Variants in TXNDC12 observed in about 807,000 individuals in gnomAD.
TXNDC12 encodes thioredoxin domain-containing protein 12.
A neutral mutation model predicts 24.2 loss-of-function variants in TXNDC12; 22 were observed. The observed-to-expected ratio is 0.91, with a 90% CI of 0.65 to 1.30. The LOEUF is 1.30. Among genes scored for constraint, TXNDC12 ranks in the 50% most tolerant of loss-of-function variants. The pLI, the probability that TXNDC12 is intolerant of heterozygous loss-of-function variation, is 0.00. For synonymous variants in TXNDC12, 58 were observed against 73.4 expected (o/e 0.79, Z 1.07); for missense variants, 184 against 205.8 (o/e 0.89, Z 0.65).
rs532661079 is a variant in TXNDC12 at position 52,046,634 on chromosome 1, T to C, written c.98-5037A>G. Among the ~76,000 whole-genome samples the C allele has an allele frequency of 9.9e-5, 15 of 151,640 alleles. 1 individual carries two copies. The South Asian group carries it at 2.9e-3, about 30-fold the overall frequency. On this transcript the variant is annotated intron_variant, in intron 1 of 6. Coordinates refer to ENST00000371626, the MANE Select transcript of TXNDC12 (RefSeq NM_015913.4). ...CTCACGCCTGTAATCCCAGCACTTT[T>C]GGAGGCCAAGGCAGGCAGATCACTT... is the stretch of plus-strand genomic sequence containing the variant.
chr1:52,038,884 C>CT (rs762428470), intron 2 of TXNDC12, among the ~76,000 whole-genome samples: 22 of 125,670 alleles, frequency 1.8e-4, no homozygotes, highest in East Asian at 4.8e-4. Flanking sequence ...CATGAATTTT[C>CT]TTTTTTTTTT....
At chr1:52,022,635 G>GTTTTTTTTTTTT (rs1188645759) in intron 6 of TXNDC12, among the ~76,000 whole-genome samples, 6 of 118,614 alleles carry the variant, frequency 5.1e-5, no homozygotes, top group South Asian at 2.9e-4. Flanking sequence ...GGTTTTTTTG[G>GTTTTTTTTTTTT]TTTTTTTTTT....
chr1:52,025,486 G>A (rs1369550986), intron 4 of TXNDC12, among the ~76,000 whole-genome samples: 1 of 152,152 alleles, frequency 6.6e-6, no homozygotes, highest in East Asian at 1.9e-4. Flanking sequence ...CCAAAGTGCT[G>A]GGATCACAGG....
At position 52,034,722 on chromosome 1, in the gene TXNDC12, G is replaced by T. The variant is rs1010815962; in HGVS notation, c.159-6092C>A. The stretch of plus-strand genomic sequence containing the variant: ...GCCTCCCAAAGTACTGGGAATACAG[G>T]TGTGTGAGCCAAGGTGCCTGGCCTG... On this transcript the variant is annotated intron_variant, in intron 2 of 6. Transcript: ENST00000371626. 2.6e-5 allele frequency among the ~76,000 whole-genome samples: 4 copies of T among 152,160 alleles called. No individual in the cohort carries two copies. The East Asian group carries it at 7.7e-4, about 29-fold the overall frequency.
intron 2 of TXNDC12, among the ~76,000 whole-genome samples, chr1:52,040,595 C>G (rs748396065): frequency 3.3e-5 from 5 of 152,148 alleles, no homozygotes; most frequent in Non-Finnish European, 7.4e-5. Flanking sequence ...TTGTAACATA[C>G]CAATTTTTTA....
At chr1:52,024,423 A>G in intron 5 of TXNDC12, 87 bp downstream of exon 5, 2 of 1,017,754 alleles carry the variant, frequency 2.0e-6, no homozygotes, top group Non-Finnish European at 3.0e-6. Context: ...TCATCCTGGT[A>G]TAGTTTCACT....
intron 2 of TXNDC12, chr1:52,033,753 G>A: frequency 6.3e-7 from 1 of 1,598,008 alleles, no homozygotes; most frequent in Non-Finnish European, 8.5e-7. Context: ...AAAACACCAC[G>A]AGCGGCATCC....
At chr1:52,031,489 C>T (rs938727805) in intron 2 of TXNDC12, among the ~76,000 whole-genome samples, 1 of 151,410 alleles carries the variant, frequency 6.6e-6, no homozygotes, top group Non-Finnish European at 1.5e-5. Context: ...TTTCTCACCA[C>T]ATATCTCTTT....
chr1:52,055,830 G>A (rs1321929200), upstream of TXNDC12: 5 of 152,222 alleles, frequency 3.3e-5, no homozygotes, highest in Admixed American at 3.3e-4. Flanking sequence ...TGACTTAGGT[G>A]GACTTAGGAC....
chr1:52,028,163 T>G (rs1445670892), intron 3 of TXNDC12, among the ~76,000 whole-genome samples: 6 of 151,944 alleles, frequency 3.9e-5, no homozygotes, highest in Non-Finnish European at 8.8e-5. Flanking sequence ...CATCTAGGAT[T>G]TTAAGTGCAG....
At chr1:52,046,866 A>AAAAAATATATAT (rs1229275355) in intron 1 of TXNDC12, among the ~76,000 whole-genome samples, 4 of 30,172 alleles carry the variant, frequency 1.3e-4, no homozygotes, top group African/African-American at 2.1e-4. Flanking sequence ...AAAAAAAAAA[A>AAAAAATATATAT]ATATATATAT....
intron 6 of TXNDC12, 53 bp downstream of exon 6, chr1:52,023,438 T>C: frequency 7.0e-7 from 1 of 1,422,118 alleles, no homozygotes; most frequent in Non-Finnish European, 9.9e-7. Flanking sequence ...TTGCATGTGG[T>C]TCATCCTAGT....
intron 2 of TXNDC12, among the ~76,000 whole-genome samples, chr1:52,028,841 G>A (rs138904602): frequency 4.1e-4 from 62 of 152,158 alleles, no homozygotes; most frequent in African/African-American, 1.3e-3. Flanking sequence ...TTTAAAGTTA[G>A]GGAGGGCTGG....
intron 4 of TXNDC12, among the ~76,000 whole-genome samples, 157 bp downstream of exon 4, chr1:52,027,118 A>C (rs1481340509): frequency 1.3e-5 from 2 of 152,198 alleles, no homozygotes; most frequent in African/African-American, 4.8e-5. Context: ...GCTTTCTAAC[A>C]TATCTGATGC....
At position 52,026,732 on chromosome 1, in the gene TXNDC12, A is replaced by G. The variant is rs538574622; in HGVS notation, c.285+543T>C. On this transcript the variant is annotated intron_variant, in intron 4 of 6. Transcript: ENST00000371626. The stretch of plus-strand genomic sequence containing the variant: ...CTGGCCAACATTGTGAGACCCTCAT[A>G]TCTACTAAAAATACAAAAATTGGCC... Among the ~76,000 whole-genome samples, 271 of 152,062 alleles carry G rather than the reference A, an allele frequency of 1.8e-3. 1 individual carries two copies. Among genetic ancestry groups the G allele is most frequent in the African/African-American group, 6.3e-3 (260 of 41,506 alleles).
At position 52,020,299 on chromosome 1, in the gene TXNDC12, CG is replaced by C; in HGVS notation, c.*633del. On this transcript the variant is annotated 3_prime_UTR_variant, in exon 7 of 7. Transcript: ENST00000371626. ...GGGAAAGCATGCTTCCACCTGGAGC[CG>C]AGTCCAAGCACACAGCCAGTCCTGC... The C allele has an allele frequency of 2.6e-6, 1 of 385,668 alleles. No individual in the cohort carries two copies. Among genetic ancestry groups the C allele is most frequent in the South Asian group, 2.9e-5 (1 of 33,926 alleles). The allele number at this position is 385,668 out of a possible 1,614,324, so 23.9% of individuals were successfully genotyped here.
chr1:52,020,952 T>C lies in TXNDC12; in HGVS notation c.500A>G (p.His167Arg). ...RLTGDAFRKK[H>R]LEDEL ...TTCATGTTACAATTCATCTTCAAGA[T>C]GTTTCTTTCTGAAGGCATCACCCGT... The change falls in exon 7 of 7, where the codon CAT becomes CGT. Residue 167 changes from histidine to arginine, a missense_variant. His to Arg is a conservative substitution (Grantham distance 29). Transcript: ENST00000371626. 1 of 1,613,970 alleles carries C rather than the reference T, an allele frequency of 6.2e-7. No individual in the cohort carries two copies. The highest frequency in any genetic ancestry group is 8.5e-7 in the Non-Finnish European group (1 of 1,179,824).
chr1:52,024,773 A>C, intron 4 of TXNDC12, 194 bp from the exon 5 acceptor site: 1 of 513,416 alleles, frequency 1.9e-6, no homozygotes, highest in Non-Finnish European at 3.5e-6. Flanking sequence ...AGCTACACTG[A>C]CCTCTTGCTG....
At chr1:52,022,899 A>C (rs957373136) in intron 6 of TXNDC12, among the ~76,000 whole-genome samples, 4 of 151,984 alleles carry the variant, frequency 2.6e-5, no homozygotes, top group Non-Finnish European at 5.9e-5. Flanking sequence ...TCGGCCTCCC[A>C]AAGTGCTGGG....
Sources: gnomAD v4.1 joint callset for allele counts (sites outside exome capture counted in the v4.1 genomes callset) on GRCh38, gnomAD v4.1.1 for gene constraint, MANE v1.5 for transcripts, NCBI Gene and HGNC (gene_info 2026-07-23, HGNC 2026-07-21) for gene names.